The following NRP2 variants were observed in gnomAD, a reference collection of about 807,000 sequenced individuals.
The protein encoded by NRP2 is neuropilin-2.
A neutral mutation model predicts 110.4 loss-of-function variants in NRP2; 52 were observed. The observed-to-expected ratio is 0.47, with a 90% CI of 0.38 to 0.59. The LOEUF is 0.59. NRP2 is among the 20% of genes least tolerant of loss of function. The probability of loss-of-function intolerance (pLI) is 0.00; values close to 1 mark genes in which losing one functional copy is unlikely to be tolerated. For synonymous variants in NRP2, 508 were observed against 468.9 expected (o/e 1.08, Z -1.08); for missense variants, 1,049 against 1,203.0 (o/e 0.87, Z 1.89).
intron 8 of NRP2, 139 bp from the exon 9 acceptor site, chr2:205,743,064 C>A: frequency 6.6e-7 from 1 of 1,526,674 alleles, no homozygotes; most frequent in Non-Finnish European, 8.9e-7. Flanking sequence ...CAGTGCTGTA[C>A]ACATTCACCA....
intron 2 of NRP2, chr2:205,697,977 A>G: frequency 1.9e-6 from 1 of 514,146 alleles, no homozygotes; most frequent in Non-Finnish European, 3.6e-6. Context: ...AAAGGCCGGT[A>G]GTGGAGGAGA....
intron 2 of NRP2, among the ~76,000 whole-genome samples, chr2:205,705,938 AG>A (rs2056665434): frequency 1.3e-5 from 2 of 151,780 alleles, no homozygotes; most frequent in South Asian, 4.2e-4. Flanking sequence ...CCTGCCATGC[AG>A]TCACCTCCGG....
Position 205,743,517 on chromosome 2 carries a change from G to A in NRP2, c.1606G>A (p.Glu536Lys). ...CTACAGCCTAAACGGCAAGGACTGG[G>A]AATACATTCAGGACCCCAGGACCCA... ...VSYSLNGKDW[E>K]YIQDPRTQQP... The change falls in exon 9 of 17, where the codon GAA (glutamate) becomes AAA (lysine). Residue 536 changes from glutamate (E) to lysine (K), a missense_variant. Physicochemically the swap from Glu to Lys is moderately conservative, Grantham distance 56. Transcript: ENST00000357785. The A allele has an allele frequency of 1.2e-6, 2 of 1,614,194 alleles. No individual in the cohort carries two copies. The highest frequency in any genetic ancestry group is 1.7e-6 in the Non-Finnish European group (2 of 1,180,044).
chr2:205,794,357 G>A (rs536399672), intron 16 of NRP2, among the ~76,000 whole-genome samples: 9 of 152,238 alleles, frequency 5.9e-5, no homozygotes, highest in African/African-American at 9.6e-5. Context: ...TGATCTGCCC[G>A]CCTCGGCCTC....
chr2:205,707,238 C>A lies in NRP2; in HGVS notation c.252-8955C>A, dbSNP rs115072311. ...CCTCACATGGCCCGGGCTGCCTGTGCAGCATGATGCTTCAGAATGCAGCTG... is the reference window on the plus strand; with the variant it reads ...CCTCACATGGCCCGGGCTGCCTGTGAAGCATGATGCTTCAGAATGCAGCTG... On this transcript the variant is annotated intron_variant, in intron 2 of 16. Transcript: ENST00000357785. Among the ~76,000 whole-genome samples, 717 of 152,340 alleles carry A rather than the reference C, an allele frequency of 4.7e-3. 2 individuals are homozygous for A. Among genetic ancestry groups the A allele is most frequent in the African/African-American group, 0.016 (679 of 41,574 alleles).
intron 15 of NRP2, among the ~76,000 whole-genome samples, chr2:205,788,065 T>C (rs753293369): frequency 6.6e-6 from 1 of 152,154 alleles, no homozygotes; most frequent in Non-Finnish European, 1.5e-5. Flanking sequence ...TGGAACAGTC[T>C]TGTGGGTGTT....
At chr2:205,784,139 G>A (rs1043870460) in intron 15 of NRP2, among the ~76,000 whole-genome samples, 9 of 152,138 alleles carry the variant, frequency 5.9e-5, no homozygotes, top group South Asian at 4.2e-4. Context: ...ACCATGCCAC[G>A]GCTTTCAGCA....
Position 205,722,594 on chromosome 2 carries a change from A to C in NRP2, c.550A>C (p.Lys184Gln). 1 of 1,614,232 alleles carries C rather than the reference A, an allele frequency of 6.2e-7. No homozygotes were observed. The change falls in exon 4 of 17, where the codon AAG (lysine) becomes CAG (glutamine). Residue 184 changes from lysine to glutamine, a missense_variant. Lys to Gln is a moderately conservative substitution (Grantham distance 53). Coordinates refer to ENST00000357785, the MANE Select transcript of NRP2 (RefSeq NM_003872.3). ...DCTFTILAKP[K>Q]MEIILQFLIF... The stretch of plus-strand genomic sequence containing the variant: ...CACCTTTACCATCCTGGCCAAACCC[A>C]AGATGGAGATCATCCTGCAGTTCCT...
At chr2:205,793,732 C>A (rs1412865064) in intron 16 of NRP2, among the ~76,000 whole-genome samples, 3 of 152,152 alleles carry the variant, frequency 2.0e-5, no homozygotes, top group Non-Finnish European at 4.4e-5. Context: ...TAAAGGTCCA[C>A]CCTCATGACC....
chr2:205,727,440 G>A (rs768022634), intron 6 of NRP2, among the ~76,000 whole-genome samples: 1 of 152,218 alleles, frequency 6.6e-6, no homozygotes, highest in Non-Finnish European at 1.5e-5. Context: ...GAGGGTGTGG[G>A]GAGGGGATGC....
chr2:205,786,165 G>A (rs1347263531), intron 15 of NRP2, among the ~76,000 whole-genome samples: 4 of 152,162 alleles, frequency 2.6e-5, no homozygotes, highest in Admixed American at 1.3e-4. Flanking sequence ...AAACTGAATT[G>A]GGAAATTAAG....
chr2:205,757,750 C>G (rs2057756478), intron 12 of NRP2, among the ~76,000 whole-genome samples: 1 of 152,098 alleles, frequency 6.6e-6, no homozygotes, highest in Non-Finnish European at 1.5e-5. Context: ...AATTAAAGAT[C>G]AGGAGCAGCT....
intron 2 of NRP2, chr2:205,697,969 A>C: frequency 1.9e-6 from 1 of 532,512 alleles, no homozygotes; most frequent in Non-Finnish European, 3.4e-6. Flanking sequence ...CTACCTCCAA[A>C]GGCCGGTAGT....
intron 2 of NRP2, among the ~76,000 whole-genome samples, chr2:205,704,335 C>T (rs1292084474): frequency 1.3e-5 from 2 of 152,194 alleles, no homozygotes; most frequent in East Asian, 3.8e-4. Flanking sequence ...CAAGAGGGTG[C>T]CTTGTGCTTG....
intron 6 of NRP2, among the ~76,000 whole-genome samples, 174 bp downstream of exon 6, chr2:205,726,256 T>C (rs1403981199): frequency 6.6e-6 from 1 of 152,234 alleles, no homozygotes; most frequent in Admixed American, 6.5e-5. Flanking sequence ...GGTTACATGC[T>C]GGCATACACT....
At chr2:205,685,566 C>A (rs1470958843) in intron 1 of NRP2, among the ~76,000 whole-genome samples, 2 of 152,208 alleles carry the variant, frequency 1.3e-5, no homozygotes, top group African/African-American at 4.8e-5. Flanking sequence ...GCGGTCGCGG[C>A]GCGCGGCACC....
At chr2:205,755,102 C>T (rs769568756) in intron 12 of NRP2, among the ~76,000 whole-genome samples, 4 of 152,154 alleles carry the variant, frequency 2.6e-5, no homozygotes, top group Non-Finnish European at 5.9e-5. Flanking sequence ...TTCACCCGTT[C>T]ACCACCGCCT....
At chr2:205,756,567 G>A (rs1406613801) in intron 12 of NRP2, 1 of 152,154 alleles carries the variant, frequency 6.6e-6, no homozygotes, top group Non-Finnish European at 1.5e-5. Flanking sequence ...CATTCCAAGG[G>A]CACAGTAGCT....
intron 1 of NRP2, among the ~76,000 whole-genome samples, chr2:205,691,188 A>G (rs527338972): frequency 3.6e-4 from 55 of 152,290 alleles, no homozygotes; most frequent in Non-Finnish European, 6.5e-4. Context: ...CATGACCTCA[A>G]GTTGCTGGTG....
Sources: gnomAD v4.1 joint callset for allele counts (sites outside exome capture counted in the v4.1 genomes callset) on GRCh38, gnomAD v4.1.1 for gene constraint, MANE v1.5 for transcripts, NCBI Gene and HGNC (gene_info 2026-07-23, HGNC 2026-07-21) for gene names.